HMGCLL1: variants seen among roughly 807,000 people sequenced by gnomAD.
The protein encoded by HMGCLL1 is 3-hydroxymethyl-3-methylglutaryl-CoA lyase, cytoplasmic.
A neutral mutation model predicts 39.1 loss-of-function variants in HMGCLL1; 36 were observed. The ratio of observed to expected loss-of-function variants is 0.92; its 90% CI spans 0.71 to 1.22. The LOEUF is 1.22. Among genes scored for constraint, HMGCLL1 ranks in the 50% most tolerant of loss-of-function variants. The pLI, the probability that HMGCLL1 is intolerant of heterozygous loss-of-function variation, is 0.00. For missense variants in HMGCLL1, 451 were observed against 416.5 expected (o/e 1.08, Z -0.72); for synonymous variants, 149 against 144.0 (o/e 1.03, Z -0.25).
intron 7 of HMGCLL1, among the ~76,000 whole-genome samples, chr6:55,447,761 T>C (rs1367231417): frequency 6.6e-6 from 1 of 152,150 alleles, no homozygotes; most frequent in African/African-American, 2.4e-5. Flanking sequence ...CCCATTTTAC[T>C]CATGAGTAAA....
chr6:55,676,659 G>C, the HMGCLL1 span, among the ~76,000 whole-genome samples: 1 of 152,174 alleles, frequency 6.6e-6, no homozygotes, highest in East Asian at 1.9e-4. Flanking sequence ...AATCTCCAAA[G>C]TTGTAATAAT....
intron 1 of HMGCLL1, among the ~76,000 whole-genome samples, chr6:55,568,622 T>C (rs996087923): frequency 6.6e-6 from 1 of 152,202 alleles, no homozygotes; most frequent in Admixed American, 6.5e-5. Context: ...AGACTAACAA[T>C]ACATAGTCAG....
At chr6:55,641,354 C>G in the HMGCLL1 span, among the ~76,000 whole-genome samples, 2 of 151,908 alleles carry the variant, frequency 1.3e-5, no homozygotes, top group African/African-American at 4.8e-5. Flanking sequence ...ATTTGATCTA[C>G]TGACCAAAAA....
chr6:55,655,536 GTAGATAGATAGATAGA>G, the HMGCLL1 span, among the ~76,000 whole-genome samples: 38 of 147,618 alleles, frequency 2.6e-4, no homozygotes, highest in Non-Finnish European at 4.3e-4. Flanking sequence ...AGTTATATTG[GTAGATAGATAGATAGA>G]TAGATAGATA....
chr6:55,585,974 C>A, the HMGCLL1 span, among the ~76,000 whole-genome samples: 16 of 151,906 alleles, frequency 1.1e-4, no homozygotes, highest in Admixed American at 9.8e-4. Flanking sequence ...AATTCTAAAG[C>A]TGTAGGATCT....
At chr6:55,477,937 C>T (rs1581832877) in intron 7 of HMGCLL1, among the ~76,000 whole-genome samples, 1 of 150,876 alleles carries the variant, frequency 6.6e-6, no homozygotes, top group Non-Finnish European at 1.5e-5. Flanking sequence ...CAAACAGAGT[C>T]GATTCTGTAT....
intron 7 of HMGCLL1, among the ~76,000 whole-genome samples, chr6:55,450,423 T>C (rs1387102116): frequency 2.0e-5 from 3 of 152,226 alleles, no homozygotes; most frequent in African/African-American, 7.2e-5. Flanking sequence ...ATTTTGATAA[T>C]GTTTGTTCAA....
chr6:55,633,485 AC>A, the HMGCLL1 span, among the ~76,000 whole-genome samples: 74 of 151,868 alleles, frequency 4.9e-4, no homozygotes, highest in Admixed American at 1.6e-3. Flanking sequence ...AATAAAAAAA[AC>A]AATCTAATTC....
chr6:55,644,314 T>G, the HMGCLL1 span, among the ~76,000 whole-genome samples: 1 of 152,040 alleles, frequency 6.6e-6, no homozygotes, highest in South Asian at 2.1e-4. Flanking sequence ...GTCAGATAGG[T>G]AGTTTGGAAA....
intron 3 of HMGCLL1, among the ~76,000 whole-genome samples, chr6:55,536,644 A>T (rs560406656): frequency 1.1e-4 from 14 of 130,670 alleles, no homozygotes; most frequent in African/African-American, 3.6e-4. Flanking sequence ...CTTATATTTC[A>T]TGTCACTCTA....
chr6:55,545,543 G>C (rs1156539892), intron 1 of HMGCLL1, among the ~76,000 whole-genome samples: 2 of 152,082 alleles, frequency 1.3e-5, no homozygotes, highest in Non-Finnish European at 2.9e-5. Flanking sequence ...AGTAATTATT[G>C]AGTACAGTCC....
At position 55,495,575 on chromosome 6, in the gene HMGCLL1, A is replaced by G; in HGVS notation, c.639T>C (p.Tyr213=). 2 of 1,612,346 alleles carry G rather than the reference A, an allele frequency of 1.2e-6. No homozygotes were observed. The highest frequency in any genetic ancestry group is 1.7e-6 in the Non-Finnish European group (2 of 1,179,002). ...VSKRLYGMGC[Y]EISLGDTIGV... ...CAATTGTGTCTCCTAGAGAGATCTC[A>G]TAACAACCCATGCCGTACAATCTCT... is the stretch of plus-strand genomic sequence containing the variant. Residue 213 remains tyrosine (Y), a synonymous_variant, in exon 7 of 9, where the codon TAT becomes TAC. Coordinates refer to ENST00000274901, the MANE Select transcript of HMGCLL1 (RefSeq NM_001042406.2).
the HMGCLL1 span, among the ~76,000 whole-genome samples, chr6:55,650,118 T>TA: frequency 1.7e-4 from 14 of 81,324 alleles, no homozygotes; most frequent in African/African-American, 7.7e-4. Context: ...TATATATATA[T>TA]ATATATATAT....
At chr6:55,612,988 G>C in the HMGCLL1 span, among the ~76,000 whole-genome samples, 1 of 152,080 alleles carries the variant, frequency 6.6e-6, no homozygotes. Context: ...CACAGCAAAA[G>C]AAACTACCAT....
the HMGCLL1 span, among the ~76,000 whole-genome samples, chr6:55,638,120 G>T: frequency 1.1e-4 from 16 of 151,926 alleles, no homozygotes; most frequent in African/African-American, 3.9e-4. Flanking sequence ...GGTGATATTA[G>T]AAATAAAAAG....
chr6:55,470,117 T>G (rs1764984031), intron 7 of HMGCLL1, among the ~76,000 whole-genome samples: 1 of 151,844 alleles, frequency 6.6e-6, no homozygotes, highest in Non-Finnish European at 1.5e-5. Flanking sequence ...GACTCTAAAG[T>G]TTTGGGTCCA....
chr6:55,453,202 G>A (rs370901701), intron 7 of HMGCLL1, among the ~76,000 whole-genome samples: 9 of 152,080 alleles, frequency 5.9e-5, no homozygotes, highest in East Asian at 1.9e-4. Flanking sequence ...TTTTTGAGAC[G>A]GAATCTCGCT....
intron 3 of HMGCLL1, 137 bp downstream of exon 3, chr6:55,541,587 AATCAT>A (rs1324584923): frequency 1.1e-5 from 6 of 540,704 alleles, no homozygotes; most frequent in Non-Finnish European, 9.8e-6. Context: ...GTTTTTATTT[AATCAT>A]ATCACAGTCC....
At chr6:55,632,280 C>A in the HMGCLL1 span, among the ~76,000 whole-genome samples, 10 of 151,888 alleles carry the variant, frequency 6.6e-5, no homozygotes, top group South Asian at 1.9e-3. Flanking sequence ...AACTTGTACT[C>A]AATTACATCT....
Sources: gnomAD v4.1 joint callset for allele counts (sites outside exome capture counted in the v4.1 genomes callset) on GRCh38, gnomAD v4.1.1 for gene constraint, MANE v1.5 for transcripts, NCBI Gene and HGNC (gene_info 2026-07-23, HGNC 2026-07-21) for gene names.